Variants in PRKG1 observed in about 807,000 individuals in gnomAD.
PRKG1 encodes protein kinase cGMP-dependent 1.
In PRKG1, 35 loss-of-function variants were observed where a neutral mutation model predicts 88.1. The observed-to-expected ratio is 0.40, with a 90% CI of 0.30 to 0.53. The LOEUF (loss-of-function observed/expected upper bound fraction) is 0.53, where lower values mean the gene tolerates loss of function less well. PRKG1 is among the 20% of genes least tolerant of loss of function. The probability of loss-of-function intolerance (pLI) is 0.59; values close to 1 mark genes in which losing one functional copy is unlikely to be tolerated. For missense variants in PRKG1, 540 were observed against 839.8 expected, an observed-to-expected ratio of 0.64 and a Z score of 4.41; for synonymous variants, 303 against 292.5, an observed-to-expected ratio of 1.04 and a Z score of -0.37.
chr10:51,294,102 A>G (rs1252356044), intron 2 of PRKG1, among the ~76,000 whole-genome samples: 1 of 151,914 alleles, frequency 6.6e-6, no homozygotes, highest in African/African-American at 2.4e-5. Flanking sequence ...ATGAGTTCTT[A>G]TGTATTTTGG....
chr10:51,651,860 G>T (rs932698654), intron 3 of PRKG1, among the ~76,000 whole-genome samples: 6 of 152,084 alleles, frequency 3.9e-5, no homozygotes, highest in African/African-American at 1.4e-4. Flanking sequence ...GGGATTACAG[G>T]TATGAGCCAC....
At chr10:51,915,539 G>GTGTGTGTA (rs535684705) in intron 5 of PRKG1, among the ~76,000 whole-genome samples, 13 of 149,930 alleles carry the variant, frequency 8.7e-5, no homozygotes, top group African/African-American at 3.1e-4. Context: ...TGGAAGATGT[G>GTGTGTGTA]TGTGTGTATG....
intron 2 of PRKG1, among the ~76,000 whole-genome samples, chr10:51,235,680 A>T (rs1838967574): frequency 6.6e-6 from 1 of 152,174 alleles, no homozygotes; most frequent in South Asian, 2.1e-4. Context: ...AGATTTTCTG[A>T]TAGAACAAGT....
At chr10:52,061,955 A>G (rs188334870) in intron 6 of PRKG1, among the ~76,000 whole-genome samples, 1 of 152,088 alleles carries the variant, frequency 6.6e-6, no homozygotes, top group African/African-American at 2.4e-5. Context: ...TGTTCATTTC[A>G]GCAGAATGAA....
At chr10:51,133,321 G>T (rs886127416) in intron 1 of PRKG1, among the ~76,000 whole-genome samples, 20 of 152,262 alleles carry the variant, frequency 1.3e-4, no homozygotes, top group African/African-American at 4.3e-4. Context: ...GCAAAGCAGG[G>T]TACCTTTTCT....
chr10:51,018,870 A>T (rs966890804), intron 1 of PRKG1, among the ~76,000 whole-genome samples: 1 of 152,202 alleles, frequency 6.6e-6, no homozygotes, highest in African/African-American at 2.4e-5. Context: ...TTCACATCAG[A>T]AACTCTGATT....
At chr10:51,881,885 A>G (rs962613290) in intron 4 of PRKG1, among the ~76,000 whole-genome samples, 5 of 152,176 alleles carry the variant, frequency 3.3e-5, no homozygotes, top group Non-Finnish European at 7.3e-5. Flanking sequence ...TGCATCACAG[A>G]ACTCTTAAGT....
chr10:51,394,866 C>G (rs1323402191), intron 2 of PRKG1, among the ~76,000 whole-genome samples: 1 of 152,190 alleles, frequency 6.6e-6, no homozygotes, highest in African/African-American at 2.4e-5. Flanking sequence ...AATCACTATT[C>G]AAGCAACTCT....
intron 5 of PRKG1, among the ~76,000 whole-genome samples, chr10:52,049,259 C>A (rs533068633): frequency 6.6e-6 from 1 of 152,006 alleles, no homozygotes; most frequent in Non-Finnish European, 1.5e-5. Context: ...GTGATGACAG[C>A]AAGATAATGT....
At chr10:51,359,423 G>C (rs1268522557) in intron 2 of PRKG1, among the ~76,000 whole-genome samples, 1 of 151,522 alleles carries the variant, frequency 6.6e-6, no homozygotes, top group Non-Finnish European at 1.5e-5. Flanking sequence ...AGCCAGCTCA[G>C]CTTGGGTTAC....
At chr10:51,907,604 G>A in intron 5 of PRKG1, 34 bp downstream of exon 5, 1 of 1,574,864 alleles carries the variant, frequency 6.3e-7, no homozygotes, top group Non-Finnish European at 8.7e-7. Context: ...TTTTTGAGAT[G>A]GGATCCAGCC....
chr10:52,171,722 A>T lies in PRKG1; in HGVS notation c.1076+9759A>T, dbSNP rs1024707660. ...TGAGACTGATTCAGTTGCTTTTTTA[A>T]AAAAAAATGATTTTCAGGACAAAAC... On this transcript the variant is annotated intron_variant, in intron 9 of 17. Transcript: ENST00000373980. Among the ~76,000 whole-genome samples the T allele has an allele frequency of 2.3e-3, 29 of 12,654 alleles. 1 individual carries two copies. The highest frequency in any genetic ancestry group is 5.9e-3 in the Admixed American group (4 of 676). The allele number at this position is 12,654 out of a possible 152,430, so 8.3% of individuals were successfully genotyped here.
intron 9 of PRKG1, among the ~76,000 whole-genome samples, chr10:52,221,545 A>C (rs1339012161): frequency 6.6e-6 from 1 of 152,166 alleles, no homozygotes; most frequent in Admixed American, 6.5e-5. Flanking sequence ...AAACTTTATT[A>C]ATGTTATTTT....
chr10:52,094,028 A>G (rs1290361861), intron 7 of PRKG1, among the ~76,000 whole-genome samples: 2 of 152,222 alleles, frequency 1.3e-5, no homozygotes, highest in Admixed American at 6.5e-5. Context: ...GTTGTTATTT[A>G]GCAAGCACCT....
chr10:51,218,576 ATATG>A (rs956230604), intron 2 of PRKG1, among the ~76,000 whole-genome samples: 74 of 147,306 alleles, frequency 5.0e-4, no homozygotes, highest in Non-Finnish European at 9.3e-4. Context: ...TGGCATATAT[ATATG>A]TATTTGGCAT....
At chr10:51,815,468 C>T (rs1386081079) in intron 4 of PRKG1, among the ~76,000 whole-genome samples, 1 of 152,070 alleles carries the variant, frequency 6.6e-6, no homozygotes, top group Non-Finnish European at 1.5e-5. Flanking sequence ...ATATAGAAAC[C>T]CACTTCCTCA....
chr10:51,633,912 A>G (rs1006345447), intron 3 of PRKG1, among the ~76,000 whole-genome samples: 1 of 152,170 alleles, frequency 6.6e-6, no homozygotes, highest in African/African-American at 2.4e-5. Flanking sequence ...GAACAGATGG[A>G]ACATTTTCTT....
intron 5 of PRKG1, among the ~76,000 whole-genome samples, chr10:52,001,822 G>A (rs1006618883): frequency 6.6e-5 from 10 of 151,858 alleles, no homozygotes; most frequent in African/African-American, 9.7e-5. Flanking sequence ...GATTCTTAAC[G>A]TATGGAATTT....
At chr10:51,100,190 G>C (rs1477156481) in intron 1 of PRKG1, among the ~76,000 whole-genome samples, 1 of 152,002 alleles carries the variant, frequency 6.6e-6, no homozygotes, top group Non-Finnish European at 1.5e-5. Context: ...CATCATACCT[G>C]GTCTAGTTTT....
Sources: allele counts gnomAD v4.1 joint callset (sites outside exome capture counted in the v4.1 genomes callset), GRCh38; gene constraint gnomAD v4.1.1; transcripts MANE v1.5; gene names NCBI Gene and HGNC (gene_info 2026-07-23, HGNC 2026-07-21).